CAB39: variants seen among roughly 807,000 people sequenced by gnomAD.
CAB39 encodes the protein calcium binding protein 39.
In CAB39, 8 loss-of-function variants were observed where a neutral mutation model predicts 40.0. The observed-to-expected ratio is 0.20, with a 90% CI of 0.12 to 0.36. CAB39 has a LOEUF of 0.36. Ranked by LOEUF, CAB39 falls within the 10% of genes least tolerant of loss-of-function variation. CAB39 has a pLI of 1.00. For synonymous variants in CAB39, 156 were observed against 141.6 expected (o/e 1.10, Z -0.72); for missense variants, 270 against 401.1 (o/e 0.67, Z 2.79).
intron 2 of CAB39, among the ~76,000 whole-genome samples, chr2:230,777,735 G>A (rs1032627066): frequency 6.6e-6 from 1 of 152,112 alleles, no homozygotes; most frequent in Non-Finnish European, 1.5e-5. Flanking sequence ...GCCTGCCGTG[G>A]TTCTTCCATT....
chr2:230,748,067 A>G (rs1479332156), intron 1 of CAB39, among the ~76,000 whole-genome samples: 1 of 150,132 alleles, frequency 6.7e-6, no homozygotes, highest in Non-Finnish European at 1.5e-5. Flanking sequence ...CATGCATTGT[A>G]TTTGACTATA....
intron 2 of CAB39, among the ~76,000 whole-genome samples, chr2:230,785,502 CTG>C (rs1325457872): frequency 3.3e-5 from 5 of 151,452 alleles, no homozygotes; most frequent in Non-Finnish European, 7.4e-5. Context: ...GAGATTGACT[CTG>C]TGAGGAGGAG....
chr2:230,759,126 A>G (rs1369303029), intron 1 of CAB39, among the ~76,000 whole-genome samples: 1 of 152,166 alleles, frequency 6.6e-6, no homozygotes, highest in African/African-American at 2.4e-5. Context: ...TTCATAGGAG[A>G]TGGTCAAATC....
chr2:230,773,394 A>G (rs533825855), intron 2 of CAB39, among the ~76,000 whole-genome samples: 1 of 150,736 alleles, frequency 6.6e-6, no homozygotes, highest in Non-Finnish European at 1.5e-5. Context: ...TATGTCATTT[A>G]TAACTCAGTA....
intron 1 of CAB39, among the ~76,000 whole-genome samples, chr2:230,755,762 G>C (rs1300441642): frequency 1.3e-5 from 2 of 152,200 alleles, no homozygotes; most frequent in Non-Finnish European, 2.9e-5. Flanking sequence ...GTGGATTTGT[G>C]TTATTCCCTT....
chr2:230,785,073 C>G (rs534937749), intron 2 of CAB39, among the ~76,000 whole-genome samples: 10 of 152,330 alleles, frequency 6.6e-5, no homozygotes, highest in Non-Finnish European at 1.0e-4. Context: ...GTGCCTAATT[C>G]TGTCCAGGCA....
chr2:230,815,630 A>G (rs763683183), intron 7 of CAB39, among the ~76,000 whole-genome samples: 39 of 152,182 alleles, frequency 2.6e-4, no homozygotes, highest in Non-Finnish European at 4.7e-4. Flanking sequence ...GCAAATCCAT[A>G]AACTTTGACC....
At chr2:230,796,187 T>C (rs899700523) in intron 4 of CAB39, among the ~76,000 whole-genome samples, 8 of 152,202 alleles carry the variant, frequency 5.3e-5, no homozygotes, top group Non-Finnish European at 1.2e-4. Flanking sequence ...CATTTTAAGA[T>C]TTTTGTACTT....
At chr2:230,714,534 G>C (rs769724918) in intron 1 of CAB39, among the ~76,000 whole-genome samples, 1 of 152,206 alleles carries the variant, frequency 6.6e-6, no homozygotes, top group Admixed American at 6.5e-5. Context: ...TCGCTACAGT[G>C]CATAAAAACT....
intron 2 of CAB39, among the ~76,000 whole-genome samples, chr2:230,789,018 A>G (rs916849146): frequency 1.3e-5 from 2 of 152,198 alleles, no homozygotes; most frequent in Non-Finnish European, 2.9e-5. Context: ...CTGCAGTTAC[A>G]CATCTGTGAG....
intron 1 of CAB39, among the ~76,000 whole-genome samples, chr2:230,755,252 A>G (rs780036158): frequency 4.3e-4 from 66 of 152,184 alleles, no homozygotes; most frequent in Non-Finnish European, 8.8e-4. Context: ...TTACATTCCC[A>G]CCAGGAGTGT....
At chr2:230,767,939 A>C (rs1259190308) in intron 2 of CAB39, among the ~76,000 whole-genome samples, 5 of 152,096 alleles carry the variant, frequency 3.3e-5, no homozygotes, top group Non-Finnish European at 5.9e-5. Flanking sequence ...CCAATCCTCT[A>C]TTTAAAATGC....
At chr2:230,726,667 T>C (rs376335827) in intron 1 of CAB39, among the ~76,000 whole-genome samples, 1 of 152,022 alleles carries the variant, frequency 6.6e-6, no homozygotes. Flanking sequence ...AAAGTGTAAA[T>C]ACCTTCTGTT....
At chr2:230,734,285 A>C (rs1314979428) in intron 1 of CAB39, among the ~76,000 whole-genome samples, 1 of 152,154 alleles carries the variant, frequency 6.6e-6, no homozygotes, top group Non-Finnish European at 1.5e-5. Flanking sequence ...TCGCCCCTTG[A>C]TCTCTGTGCA....
chr2:230,742,761 G>C (rs1464021097), intron 1 of CAB39, among the ~76,000 whole-genome samples: 1 of 152,140 alleles, frequency 6.6e-6, no homozygotes, highest in African/African-American at 2.4e-5. Flanking sequence ...TTGATCAGAG[G>C]GGTGGAAAGA....
chr2:230,767,202 G>A (rs1331790188), intron 2 of CAB39, among the ~76,000 whole-genome samples: 2 of 152,126 alleles, frequency 1.3e-5, no homozygotes, highest in Non-Finnish European at 2.9e-5. Context: ...TTCAAAACCT[G>A]TTCCACTCAC....
intron 1 of CAB39, among the ~76,000 whole-genome samples, chr2:230,717,621 T>C (rs7578584): frequency 4.7e-4 from 71 of 152,316 alleles, no homozygotes; most frequent in African/African-American, 1.7e-3. Flanking sequence ...CTGCCTCTGT[T>C]TCTCAGGCCC....
intron 1 of CAB39, among the ~76,000 whole-genome samples, chr2:230,759,267 C>T (rs749172865): frequency 4.6e-5 from 7 of 152,030 alleles, no homozygotes; most frequent in Non-Finnish European, 7.4e-5. Flanking sequence ...ATGGGTGTGC[C>T]GAGGAAGTGT....
intron 4 of CAB39, among the ~76,000 whole-genome samples, chr2:230,793,839 C>T (rs1241707707): frequency 6.6e-6 from 1 of 152,128 alleles, no homozygotes; most frequent in Non-Finnish European, 1.5e-5. Context: ...CTTACTAATC[C>T]ATATAATTTG....
Sources: gnomAD v4.1 joint callset for allele counts (sites outside exome capture counted in the v4.1 genomes callset) on GRCh38, gnomAD v4.1.1 for gene constraint, MANE v1.5 for transcripts, NCBI Gene and HGNC (gene_info 2026-07-23, HGNC 2026-07-21) for gene names.